RREB1: variants seen among roughly 807,000 people sequenced by gnomAD.
RREB1 encodes the protein ras responsive element binding protein 1.
A neutral mutation model predicts 117.8 loss-of-function variants in RREB1; 27 were observed. That is an observed-to-expected ratio of 0.23 (90% CI 0.17 to 0.32). RREB1 has a LOEUF of 0.32. RREB1 is among the 10% of genes least tolerant of loss of function. RREB1 has a pLI of 1.00. For synonymous variants in RREB1, 1,298 were observed against 1,026.7 expected (o/e 1.26, Z -5.05); for missense variants, 2,577 against 2,378.2 (o/e 1.08, Z -1.74).
At chr6:7,135,138 CA>C (rs1228250159) in intron 1 of RREB1, among the ~76,000 whole-genome samples, 3 of 152,188 alleles carry the variant, frequency 2.0e-5, no homozygotes, top group Non-Finnish European at 4.4e-5. Flanking sequence ...AATGCAAGCC[CA>C]ACCTTGATTA....
intron 1 of RREB1, among the ~76,000 whole-genome samples, chr6:7,167,163 T>C (rs1763974926): frequency 6.6e-6 from 1 of 152,118 alleles, no homozygotes; most frequent in African/African-American, 2.4e-5. Flanking sequence ...ACTTCCGTAA[T>C]TAACCAAACG....
intron 1 of RREB1, among the ~76,000 whole-genome samples, chr6:7,149,079 C>T (rs1762998898): frequency 6.6e-6 from 1 of 152,154 alleles, no homozygotes; most frequent in Non-Finnish European, 1.5e-5. Context: ...CGTGCTACCA[C>T]ACCCAGCTAA....
chr6:7,230,834 T>A lies in RREB1; in HGVS notation c.2735T>A (p.Val912Glu), dbSNP rs1767904702. The change falls in exon 10 of 13, where the codon GTG becomes GAG. Residue 912 changes from valine (V) to glutamate (E), a missense_variant. Coordinates refer to ENST00000379938, the MANE Select transcript of RREB1 (RefSeq NM_001003699.4). ...FSQKGLALVQ[V>E]KQENISFLSP... Reference sequence around the variant, plus strand: ...CAGAAGGGCCTGGCCCTGGTCCAAGTGAAGCAGGAAAACATCTCCTTTCTG... The same window carrying A: ...CAGAAGGGCCTGGCCCTGGTCCAAGAGAAGCAGGAAAACATCTCCTTTCTG... The A allele has an allele frequency of 6.2e-7, 1 of 1,614,124 alleles. No individual in the cohort carries two copies. Among genetic ancestry groups the A allele is most frequent in the Admixed American group, 1.7e-5 (1 of 60,014 alleles).
intron 10 of RREB1, among the ~76,000 whole-genome samples, chr6:7,234,990 G>C (rs571266850): frequency 6.6e-6 from 1 of 152,212 alleles, no homozygotes; most frequent in Non-Finnish European, 1.5e-5. Context: ...GAAGTAGTTT[G>C]AGATAAGGGG....
At chr6:7,149,996 T>G (rs1045914102) in intron 1 of RREB1, among the ~76,000 whole-genome samples, 1 of 94,156 alleles carries the variant, frequency 1.1e-5, no homozygotes, top group Non-Finnish European at 2.1e-5. Context: ...GCCTGGTTGG[T>G]TTTTTTTTTT....
At chr6:7,138,742 A>T (rs1762442519) in intron 1 of RREB1, among the ~76,000 whole-genome samples, 1 of 152,248 alleles carries the variant, frequency 6.6e-6, no homozygotes, top group African/African-American at 2.4e-5. Context: ...GCATATTGGG[A>T]CAAAAGTGAC....
At chr6:7,146,763 T>C (rs1466720687) in intron 1 of RREB1, among the ~76,000 whole-genome samples, 7 of 151,346 alleles carry the variant, frequency 4.6e-5, no homozygotes, top group African/African-American at 1.7e-4. Context: ...GCTTTCTTCT[T>C]TCTTTTTTTT....
chr6:7,114,473 G>T (rs541075260), intron 1 of RREB1, among the ~76,000 whole-genome samples: 1 of 151,914 alleles, frequency 6.6e-6, no homozygotes, highest in Non-Finnish European at 1.5e-5. Flanking sequence ...TCTGGTGGGG[G>T]GGGGGGCGGC....
Position 7,181,916 on chromosome 6 carries a change from C to T in RREB1, c.5C>T (p.Thr2Met), listed in dbSNP as rs755998409. 7.4e-6 allele frequency: 12 copies of T among 1,614,090 alleles called. No individual in the cohort carries two copies. The highest frequency in any genetic ancestry group is 4.0e-5 in the African/African-American group (3 of 74,946). Residue 2 changes from threonine (T) to methionine (M), a missense_variant, in exon 4 of 13, where the codon ACG becomes ATG. Physicochemically the swap from Thr to Met is moderately conservative, Grantham distance 81 (BLOSUM62 -1). Coordinates refer to ENST00000379938, the MANE Select transcript of RREB1 (RefSeq NM_001003699.4). M[T>M]SSSPAGLEGS... is the part of the protein sequence containing the mutation. ...GAAGCTTAAACCCCTGTCCCAATGA[C>T]GTCAAGTTCGCCCGCTGGCTTGGAA...
chr6:7,229,222 G>T lies in RREB1; in HGVS notation c.1123G>T (p.Val375Phe), dbSNP rs373354349. The T allele has an allele frequency of 6.2e-7, 1 of 1,613,818 alleles. No homozygotes were observed. Among genetic ancestry groups the T allele is most frequent in the African/African-American group, 1.3e-5 (1 of 75,022 alleles). ...GCTTGGCCTGCAGCACACCAAAGAC[G>T]TCAGGCCTGCCCCCGCCGAGGAGCC... Reference protein sequence around the residue: ...ALLGLQHTKDVRPAPAEEPLP... With the variant: ...ALLGLQHTKDFRPAPAEEPLP... The change falls in exon 10 of 13, where the codon GTC becomes TTC. Residue 375 changes from valine (V) to phenylalanine (F), a missense_variant. Transcript: ENST00000379938. This position sits in a 1 kb window ranked among gnomAD's most constrained non-coding sequence, Gnocchi z 4.5.
intron 8 of RREB1, among the ~76,000 whole-genome samples, chr6:7,226,064 A>C (rs1160036302): frequency 6.6e-6 from 1 of 152,192 alleles, no homozygotes; most frequent in Admixed American, 6.5e-5. Flanking sequence ...CTGACTTTTA[A>C]ACATTTACAA....
intron 1 of RREB1, among the ~76,000 whole-genome samples, chr6:7,118,811 T>G (rs1761531260): frequency 2.2e-5 from 3 of 136,670 alleles, no homozygotes. Flanking sequence ...ATTTTTTTTT[T>G]TTTTTTTTTT....
In RREB1 at chr6:7,181,232, G is replaced by A; in HGVS notation, c.-57G>A. 1 of 398,910 alleles carries A rather than the reference G, an allele frequency of 2.5e-6. No homozygotes were observed. Among genetic ancestry groups the A allele is most frequent in the Non-Finnish European group, 4.4e-6 (1 of 226,346 alleles). 24.7% of individuals were successfully genotyped at this position (398,910 alleles called of 1,614,324 possible). On this transcript the variant is annotated 5_prime_UTR_variant, in exon 3 of 13. An upstream open reading frame in the 5' UTR gains an earlier in-frame stop. Coordinates refer to ENST00000379938, the MANE Select transcript of RREB1 (RefSeq NM_001003699.4). The stretch of plus-strand genomic sequence containing the variant: ...GGGAAAGTTTCATAGTCTATCAGTG[G>A]GTCAGAAAATGGAGGTAATCAGCAG...
At chr6:7,226,740 G>T in intron 9 of RREB1, 84 bp downstream of exon 9, 3 of 1,054,876 alleles carry the variant, frequency 2.8e-6, no homozygotes, top group South Asian at 1.6e-5. Flanking sequence ...CTCTCCTCAG[G>T]GTTTCTTTCC....
At chr6:7,154,620 C>T (rs1206458407) in intron 1 of RREB1, among the ~76,000 whole-genome samples, 11 of 152,158 alleles carry the variant, frequency 7.2e-5, no homozygotes, top group African/African-American at 2.7e-4. Flanking sequence ...TTATTATTGT[C>T]TCCATCTCAC....
intron 1 of RREB1, among the ~76,000 whole-genome samples, chr6:7,153,887 T>C (rs918529869): frequency 2.0e-5 from 3 of 152,162 alleles, no homozygotes; most frequent in African/African-American, 7.2e-5. Context: ...AGGCTGCTCT[T>C]GTCTTATAGC....
At chr6:7,148,623 CAA>C (rs1354588296) in intron 1 of RREB1, among the ~76,000 whole-genome samples, 1 of 152,014 alleles carries the variant, frequency 6.6e-6, no homozygotes, top group African/African-American at 2.4e-5. Flanking sequence ...GTCACCCCCA[CAA>C]AAGGCTGAAT....
intron 1 of RREB1, among the ~76,000 whole-genome samples, chr6:7,151,675 C>T (rs1336000352): frequency 6.6e-6 from 1 of 152,198 alleles, no homozygotes; most frequent in Non-Finnish European, 1.5e-5. Flanking sequence ...GGGCAGCAGC[C>T]CCACTGCTGA....
intron 1 of RREB1, among the ~76,000 whole-genome samples, chr6:7,134,869 G>A (rs1052515299): frequency 2.6e-5 from 4 of 152,174 alleles, no homozygotes; most frequent in Non-Finnish European, 5.9e-5. Flanking sequence ...AGAGCTAAAC[G>A]CCACTGTATG....
Sources: allele counts gnomAD v4.1 joint callset (sites outside exome capture counted in the v4.1 genomes callset), GRCh38; gene constraint gnomAD v4.1.1; non-coding constraint Gnocchi (gnomAD v3.1); transcripts MANE v1.5; gene names NCBI Gene and HGNC (gene_info 2026-07-23, HGNC 2026-07-21).